SLC9C1: variants seen among roughly 807,000 people sequenced by gnomAD.
SLC9C1 encodes the protein solute carrier family 9 member C1.
A neutral mutation model predicts 140.9 loss-of-function variants in SLC9C1; 97 were observed. That is an observed-to-expected ratio of 0.69 (90% CI 0.58 to 0.82). The LOEUF is 0.82. Among genes scored for constraint, SLC9C1 ranks in the 40% least tolerant of loss-of-function variants. The pLI is 0.00. For synonymous variants in SLC9C1, 440 were observed against 442.6 expected (o/e 0.99, Z 0.07); for missense variants, 1,340 against 1,389.3 (o/e 0.96, Z 0.56).
chr3:112,231,947 C>T (rs893174001), intron 12 of SLC9C1, among the ~76,000 whole-genome samples: 4 of 152,084 alleles, frequency 2.6e-5, no homozygotes, highest in African/African-American at 9.7e-5. Flanking sequence ...TAAAGCTTGA[C>T]AACCACTGCT....
chr3:112,202,904 T>C (rs1045075132), intron 17 of SLC9C1, among the ~76,000 whole-genome samples: 1 of 151,986 alleles, frequency 6.6e-6, no homozygotes, highest in African/African-American at 2.4e-5. Flanking sequence ...TCAGCTACCA[T>C]TGTGCAGTCC....
At chr3:112,220,176 T>G (rs191508583) in intron 14 of SLC9C1, among the ~76,000 whole-genome samples, 24 of 152,306 alleles carry the variant, frequency 1.6e-4, no homozygotes, top group Non-Finnish European at 2.8e-4. Context: ...CATCTTCCTA[T>G]CATGACACAT....
intron 12 of SLC9C1, among the ~76,000 whole-genome samples, chr3:112,239,199 C>T (rs1421017795): frequency 3.9e-5 from 6 of 152,236 alleles, no homozygotes; most frequent in Admixed American, 3.9e-4. Context: ...GCAGTTTGAT[C>T]TCAGACTGCT....
At chr3:112,179,151 A>G (rs1216711051) in intron 23 of SLC9C1, among the ~76,000 whole-genome samples, 1 of 152,172 alleles carries the variant, frequency 6.6e-6, no homozygotes, top group Non-Finnish European at 1.5e-5. Flanking sequence ...GTTCTCAATC[A>G]TGTGTAGGGA....
At chr3:112,246,812 G>A (rs1270855881) in intron 10 of SLC9C1, among the ~76,000 whole-genome samples, 1 of 152,096 alleles carries the variant, frequency 6.6e-6, no homozygotes, top group Admixed American at 6.6e-5. Context: ...TTCATAGAAA[G>A]TTTCAGGAAA....
chr3:112,283,723 G>A (rs1377883425), intron 2 of SLC9C1, among the ~76,000 whole-genome samples: 1 of 151,086 alleles, frequency 6.6e-6, no homozygotes, highest in Non-Finnish European at 1.5e-5. Context: ...ATAAATATTG[G>A]TTACCACAGT....
chr3:112,278,397 G>A (rs963523803), intron 4 of SLC9C1, among the ~76,000 whole-genome samples: 1 of 152,110 alleles, frequency 6.6e-6, no homozygotes, highest in African/African-American at 2.4e-5. Flanking sequence ...TTTAAAACAT[G>A]ACTTTTCTTA....
chr3:112,239,030 G>A (rs1214691810), intron 12 of SLC9C1, among the ~76,000 whole-genome samples: 2 of 152,200 alleles, frequency 1.3e-5, no homozygotes, highest in African/African-American at 4.8e-5. Context: ...GCTGCCTTTT[G>A]TTCAGCTATG....
intron 12 of SLC9C1, among the ~76,000 whole-genome samples, chr3:112,237,552 C>T (rs188693047): frequency 7.9e-5 from 12 of 152,228 alleles, no homozygotes; most frequent in East Asian, 5.8e-4. Flanking sequence ...TTCCTAGCAT[C>T]GATGGTCTTT....
chr3:112,174,356 G>A lies in SLC9C1; in HGVS notation c.2920-5028C>T, dbSNP rs111559475. On this transcript the variant is annotated intron_variant, in intron 23 of 28. Coordinates refer to ENST00000305815, the MANE Select transcript of SLC9C1 (RefSeq NM_183061.3). Reference sequence around the variant, plus strand: ...GATTTTTCATGCTGGGGATCAGGGGGCCAAAAGCTCACAGGGAGGAAAGAT... The same window carrying A: ...GATTTTTCATGCTGGGGATCAGGGGACCAAAAGCTCACAGGGAGGAAAGAT... Among the ~76,000 whole-genome samples the A allele has an allele frequency of 8.3e-3, 1,263 of 152,306 alleles. 12 individuals carry two copies. Among genetic ancestry groups the A allele is most frequent in the Non-Finnish European group, 9.4e-3 (640 of 68,026 alleles).
At chr3:112,215,205 A>G (rs1392621570) in intron 15 of SLC9C1, among the ~76,000 whole-genome samples, 1 of 152,240 alleles carries the variant, frequency 6.6e-6, no homozygotes, top group Non-Finnish European at 1.5e-5. Flanking sequence ...GATGGGACGT[A>G]TCTCAAAATA....
intron 13 of SLC9C1, among the ~76,000 whole-genome samples, chr3:112,229,361 G>T (rs1354904600): frequency 6.6e-6 from 1 of 151,938 alleles, no homozygotes; most frequent in South Asian, 2.1e-4. Context: ...AACAATAAAG[G>T]TTTGAAGTGA....
intron 12 of SLC9C1, among the ~76,000 whole-genome samples, chr3:112,233,435 C>T (rs940485816): frequency 6.6e-6 from 1 of 152,078 alleles, no homozygotes; most frequent in African/African-American, 2.4e-5. Context: ...ATATTTTAAA[C>T]ATACACATAA....
At chr3:112,267,161 A>G (rs12487206) in intron 7 of SLC9C1, among the ~76,000 whole-genome samples, 2 of 151,798 alleles carry the variant, frequency 1.3e-5, no homozygotes, top group Non-Finnish European at 2.9e-5. Context: ...TGCCTGTAGT[A>G]CCAGCTACTT....
rs2078826185 is a variant in SLC9C1 at position 112,231,453 on chromosome 3, C to T, written c.1480G>A (p.Val494Met). 6.2e-7 allele frequency: 1 copy of T among 1,612,412 alleles called. No individual in the cohort carries two copies. Among genetic ancestry groups the T allele is most frequent in the Non-Finnish European group, 8.5e-7 (1 of 1,179,254 alleles). Residue 494 changes from valine to methionine, a missense_variant, in exon 13 of 29, where the codon GTG (valine) becomes ATG (methionine). Transcript: ENST00000305815. Reference protein sequence around the residue: ...NEEETTEHQKVKCPHCNKEID... With the variant: ...NEEETTEHQKMKCPHCNKEID... Reference sequence around the variant, plus strand: ...TCCTTGTTACAGTGTGGACATTTCACCTTCTGATGTTCTGTTGTTTCTTCT... The same window carrying T: ...TCCTTGTTACAGTGTGGACATTTCATCTTCTGATGTTCTGTTGTTTCTTCT...
At chr3:112,191,381 A>C (rs1431251323) in intron 20 of SLC9C1, among the ~76,000 whole-genome samples, 1 of 152,086 alleles carries the variant, frequency 6.6e-6, no homozygotes, top group Non-Finnish European at 1.5e-5. Flanking sequence ...TGCCTAATCT[A>C]TTGAGAGTTT....
chr3:112,234,884 G>A (rs2078941755), intron 12 of SLC9C1, among the ~76,000 whole-genome samples: 1 of 152,064 alleles, frequency 6.6e-6, no homozygotes, highest in Non-Finnish European at 1.5e-5. Context: ...GTGTAGCCTT[G>A]TAGTATAGGT....
chr3:112,216,382 T>C (rs1433474787), intron 15 of SLC9C1, among the ~76,000 whole-genome samples: 1 of 152,112 alleles, frequency 6.6e-6, no homozygotes, highest in Admixed American at 6.5e-5. Flanking sequence ...AAAGAGCTTC[T>C]GCACAGCAAA....
chr3:112,160,675 G>A lies in SLC9C1; in HGVS notation c.3365-5626C>T, dbSNP rs1298581671. 4.2e-4 allele frequency among the ~76,000 whole-genome samples: 64 copies of A among 151,230 alleles called. 1 individual carries two copies. The highest frequency in any genetic ancestry group is 7.5e-4 in the Non-Finnish European group (51 of 67,790). On this transcript the variant is annotated intron_variant, in intron 26 of 28. Transcript: ENST00000305815. ...TTCTTAATCCAGTCTATCATTGTTG[G>A]ACATTTGGGTTGGTTCCAAGTCTTT...
Sources: allele counts gnomAD v4.1 joint callset (sites outside exome capture counted in the v4.1 genomes callset), GRCh38; gene constraint gnomAD v4.1.1; transcripts MANE v1.5; gene names NCBI Gene and HGNC (gene_info 2026-07-23, HGNC 2026-07-21).